The following HSPG2 variants were observed in gnomAD, a reference collection of about 807,000 sequenced individuals.
HSPG2 encodes basement membrane-specific heparan sulfate proteoglycan core protein.
HSPG2 carries 278 observed loss-of-function variants against 526.6 expected under a neutral mutation model. The observed-to-expected ratio is 0.53, with a 90% CI of 0.48 to 0.58. HSPG2 has a LOEUF of 0.58. HSPG2 is among the 20% of genes least tolerant of loss of function. The pLI is 0.00. For missense variants in HSPG2, 5,354 were observed against 6,099.5 expected (o/e 0.88, Z 4.07); for synonymous variants, 2,465 against 2,555.4 (o/e 0.96, Z 1.07).
rs1031218357 is a variant in HSPG2 at position 21,824,168 on chromosome 1, A to G, written c.12852T>C (p.Ser4284=). 8.1e-6 allele frequency: 13 copies of G among 1,613,618 alleles called. No individual in the cohort carries two copies. In the African/African-American group the frequency reaches 1.6e-4, roughly 20 times the overall value. The change falls in exon 95 of 97, where the codon TCT becomes TCC. Residue 4284 remains serine, a synonymous_variant. Transcript: ENST00000374695. The surrounding 1 kb of genome is among the most constrained non-coding windows in gnomAD (Gnocchi z 5.9). The part of the protein sequence containing the change: ...QLGSGEARLV[S]EDPINDGEWH... The stretch of plus-strand genomic sequence containing the variant: ...ACTCGCCGTCATTGATGGGGTCCTC[A>G]GAGACCAGGCGGGCCTCCCCACTAC...
intron 83 of HSPG2, 52 bp from the exon 84 acceptor site, chr1:21,831,376 C>A (rs749207823): frequency 2.5e-6 from 4 of 1,599,610 alleles, no homozygotes; most frequent in Admixed American, 1.7e-5. Context: ...CCAGCCCATA[C>A]CCTGAGGTGC....
At position 21,832,478 on chromosome 1, in the gene HSPG2, G is replaced by A. The variant is rs952528153; in HGVS notation, c.11207+17C>T. ...TGTGTCCAGTCCCCCTGTAGGTGGG[G>A]AGGCTGGGGGTCTCACCGGAACTCG... On this transcript the variant is annotated intron_variant, in intron 81 of 96. Transcript: ENST00000374695. 1.2e-6 allele frequency: 2 copies of A among 1,601,356 alleles called. No individual in the cohort carries two copies. The highest frequency in any genetic ancestry group is 1.7e-4 in the Middle Eastern group (1 of 6,030).
chr1:21,842,005 C>T lies in HSPG2; in HGVS notation c.9190G>A (p.Glu3064Lys), dbSNP rs749349661. ...CCTGCCCACCAGCCTGGCTCACCCT[C>T]CAGCTCCTGGTTCCGGGTCTTCCAC... ...LEWKTRNQEL[E>K]DNVHISPNGS... Residue 3064 changes from glutamate to lysine, a missense_variant, in exon 69 of 97, where the codon GAG becomes AAG. Glu to Lys is a moderately conservative substitution (Grantham distance 56). Transcript: ENST00000374695. The T allele has an allele frequency of 7.4e-6, 12 of 1,613,364 alleles. No individual in the cohort carries two copies. Among genetic ancestry groups the T allele is most frequent in the Non-Finnish European group, 1.0e-5 (12 of 1,180,016 alleles).
At position 21,824,520 on chromosome 1, in the gene HSPG2, C is replaced by G. The variant is rs757794457; in HGVS notation, c.12744+17G>C. ...GCCCCAGGAGCCCCAAGAGCCCAGC[C>G]GGATACCCACACTCACCACACCCTG... On this transcript the variant is annotated intron_variant, in intron 93 of 96. Transcript: ENST00000374695. This position sits in a 1 kb window ranked among gnomAD's most constrained non-coding sequence, Gnocchi z 5.9. The G allele has an allele frequency of 4.3e-6, 7 of 1,612,790 alleles. No individual in the cohort carries two copies. The highest frequency in any genetic ancestry group is 5.9e-6 in the Non-Finnish European group (7 of 1,179,874).
chr1:21,897,056 G>C (rs1642804306), intron 1 of HSPG2, among the ~76,000 whole-genome samples: 1 of 152,174 alleles, frequency 6.6e-6, no homozygotes, highest in Admixed American at 6.5e-5. Flanking sequence ...AACTATGTGG[G>C]CCGGAGCAGA....
At position 21,854,207 on chromosome 1, in the gene HSPG2, G is replaced by T; in HGVS notation, c.6425C>A (p.Pro2142His). 6.3e-7 allele frequency: 1 copy of T among 1,592,356 alleles called. No individual in the cohort carries two copies. The part of the protein sequence containing the change: ...VSVLHGTHSG[P>H]SYTPVPGSTR... Reference sequence around the variant, plus strand: ...TGGCTCCTCACCTGGGGTGTAGCTGGGGCCAGAATGGGTGCCGTGGAGCAC... The same window carrying T: ...TGGCTCCTCACCTGGGGTGTAGCTGTGGCCAGAATGGGTGCCGTGGAGCAC... The change falls in exon 50 of 97, where the codon CCC becomes CAC. Residue 2142 changes from proline (P) to histidine (H), a missense_variant. Physicochemically the swap from Pro to His is moderately conservative, Grantham distance 77 (BLOSUM62 -2). Transcript: ENST00000374695.
At position 21,824,844 on chromosome 1, in the gene HSPG2, C is replaced by T. The variant is rs181154087; in HGVS notation, c.12590-65G>A. ...AGGCATCAAAATCCCCCGTCAGTTC[C>T]CCTGACCCCCACCTCCACGCCAACA... On this transcript the variant is annotated intron_variant, in intron 91 of 96. Coordinates refer to ENST00000374695, the MANE Select transcript of HSPG2 (RefSeq NM_005529.7). The surrounding 1 kb of genome is among the most constrained non-coding windows in gnomAD (Gnocchi z 5.9). The T allele has an allele frequency of 2.5e-3, 3,635 of 1,425,960 alleles. 6 individuals are homozygous for T. The highest frequency in any genetic ancestry group is 3.3e-3 in the Non-Finnish European group (3,388 of 1,029,820). The allele number at this position is 1,425,960 out of a possible 1,614,324, so 88.3% of individuals were successfully genotyped here.
Position 21,885,056 on chromosome 1 carries a change from T to C in HSPG2, c.1312A>G (p.Ile438Val). The C allele has an allele frequency of 6.2e-7, 1 of 1,613,674 alleles. No individual in the cohort carries two copies. The highest frequency in any genetic ancestry group is 1.1e-5 in the South Asian group (1 of 91,064). Residue 438 changes from isoleucine (I) to valine (V), a missense_variant, in exon 11 of 97, where the codon ATC becomes GTC. Transcript: ENST00000374695. ...CVAIGVPTPI[I>V]NWRLNWGHIP... ...TGGCCCCAGTTGAGCCTCCAATTGA[T>C]GATGGGGGTGGGGACGCCAATGGCC...
chr1:21,846,567 A>G lies in HSPG2; in HGVS notation c.8197T>C (p.Ser2733Pro). 1 of 1,613,660 alleles carries G rather than the reference A, an allele frequency of 6.2e-7. No homozygotes were observed. Among genetic ancestry groups the G allele is most frequent in the Non-Finnish European group, 8.5e-7 (1 of 1,180,040 alleles). ...CCTTCGGCCACGTGTGAGGAGGATGACTCAATTCTGATGGGCATGGAGCTG... is the reference window on the plus strand; with the variant it reads ...CCTTCGGCCACGTGTGAGGAGGATGGCTCAATTCTGATGGGCATGGAGCTG... Reference protein sequence around the residue: ...PGSSMPIRIESSSSHVAEGET... With the variant: ...PGSSMPIRIEPSSSHVAEGET... Residue 2733 changes from serine (S) to proline (P), a missense_variant, in exon 63 of 97, where the codon TCA becomes CCA. By Grantham distance (74) the Ser-to-Pro change is moderately conservative (BLOSUM62 -1). Transcript: ENST00000374695.
chr1:21,829,648 C>T (rs372165595), intron 86 of HSPG2, 44 bp from the exon 87 acceptor site: 14 of 1,533,398 alleles, frequency 9.1e-6, no homozygotes, highest in Middle Eastern at 2.3e-4. Flanking sequence ...GATCCTGGAC[C>T]CTCGGGTGGG....
intron 37 of HSPG2, among the ~76,000 whole-genome samples, chr1:21,862,583 CAAA>C (rs1164705115): frequency 1.1e-4 from 1 of 9,274 alleles, no homozygotes; most frequent in African/African-American, 1.9e-4. Context: ...GACTCCATCT[CAAA>C]AAAAAAAAAA....
At chr1:21,862,876 A>G (rs1639908739) in intron 37 of HSPG2, among the ~76,000 whole-genome samples, 1 of 151,280 alleles carries the variant, frequency 6.6e-6, no homozygotes, top group African/African-American at 2.4e-5. Context: ...GCCTGCCAAC[A>G]TGGTGAAATC....
Position 21,833,463 on chromosome 1 carries a change from T to A in HSPG2, c.10978+4A>T. ...ACTGCCAATTCTTAGGGGTGGTGTC[T>A]TACCTGGCACCTGCAGGTGGGCAAA... is the stretch of plus-strand genomic sequence containing the variant. On this transcript the variant is annotated splice_donor_region_variant and intron_variant, in intron 79 of 96. Coordinates refer to ENST00000374695, the MANE Select transcript of HSPG2 (RefSeq NM_005529.7). The A allele has an allele frequency of 6.2e-7, 1 of 1,614,178 alleles. No homozygotes were observed. Among genetic ancestry groups the A allele is most frequent in the Non-Finnish European group, 8.5e-7 (1 of 1,180,006 alleles).
At chr1:21,861,529 C>G (rs927628868) in intron 39 of HSPG2, among the ~76,000 whole-genome samples, 1 of 151,990 alleles carries the variant, frequency 6.6e-6, no homozygotes, top group Middle Eastern at 3.4e-3. Flanking sequence ...AAGTTAAGCC[C>G]AGCTAAAGTA....
At chr1:21,931,269 G>A (rs765116094) in intron 1 of HSPG2, among the ~76,000 whole-genome samples, 2 of 152,262 alleles carry the variant, frequency 1.3e-5, no homozygotes, top group Non-Finnish European at 2.9e-5. Context: ...AGGCTGGGCA[G>A]TGAGGCCGGC....
rs777588349 is a variant in HSPG2 at position 21,852,697 on chromosome 1, C to T, written c.6724+3G>A. On this transcript the variant is annotated splice_donor_region_variant and intron_variant, in intron 52 of 96. Transcript: ENST00000374695. ...GCTTTCCATGTCACTGGGAGTCACT[C>T]ACCAGGGATGACAGAGGCTTCGATG... 6.2e-7 allele frequency: 1 copy of T among 1,613,398 alleles called. No individual in the cohort carries two copies. Among genetic ancestry groups the T allele is most frequent in the Non-Finnish European group, 8.5e-7 (1 of 1,180,024 alleles).
chr1:21,874,375 A>C (rs988232530), intron 28 of HSPG2, 31 bp downstream of exon 28: 14 of 1,610,206 alleles, frequency 8.7e-6, no homozygotes, highest in Non-Finnish European at 1.1e-5. Context: ...CATTTCAGGG[A>C]AGGGCAGGTG....
intron 53 of HSPG2, 30 bp downstream of exon 53, chr1:21,852,058 G>A: frequency 1.2e-6 from 2 of 1,612,096 alleles, no homozygotes; most frequent in South Asian, 1.1e-5. Context: ...ACTGTCCATG[G>A]CCCCGTCCCA....
intron 33 of HSPG2, among the ~76,000 whole-genome samples, chr1:21,869,964 A>G (rs1640521106): frequency 6.6e-6 from 1 of 152,180 alleles, no homozygotes; most frequent in African/African-American, 2.4e-5. Context: ...GGGCATCTGG[A>G]CGGGGTTGTT....
Sources: gnomAD v4.1 joint callset for allele counts (sites outside exome capture counted in the v4.1 genomes callset) on GRCh38, gnomAD v4.1.1 for gene constraint, Gnocchi (gnomAD v3.1) non-coding constraint, MANE v1.5 for transcripts, NCBI Gene and HGNC (gene_info 2026-07-23, HGNC 2026-07-21) for gene names.